Variants in PARD3 observed in about 807,000 individuals in gnomAD.
PARD3 encodes the protein partitioning defective 3 homolog.
PARD3 carries 75 observed loss-of-function variants against 155.4 expected under a neutral mutation model. That is an observed-to-expected ratio of 0.48 (90% CI 0.40 to 0.58). The LOEUF (loss-of-function observed/expected upper bound fraction) is 0.58. PARD3 is among the 20% of genes least tolerant of loss of function. PARD3 has a pLI of 0.00. For synonymous variants in PARD3, 576 were observed against 610.5 expected (o/e 0.94, Z 0.83); for missense variants, 1,642 against 1,721.7 (o/e 0.95, Z 0.82).
chr10:34,456,438 A>G (rs1397009827), intron 4 of PARD3, among the ~76,000 whole-genome samples: 1 of 152,102 alleles, frequency 6.6e-6, no homozygotes, highest in Non-Finnish European at 1.5e-5. Flanking sequence ...CTGGGATTAC[A>G]GGCACCCACC....
intron 2 of PARD3, among the ~76,000 whole-genome samples, chr10:34,629,105 C>A (rs1041573730): frequency 6.6e-6 from 1 of 152,106 alleles, no homozygotes; most frequent in Admixed American, 6.5e-5. Flanking sequence ...GAATAATGTA[C>A]CCAATTGGTG....
Position 34,761,069 on chromosome 10 carries a change from A to G in PARD3, c.120+53807T>C, listed in dbSNP as rs1013159843. Among the ~76,000 whole-genome samples, 5 of 151,870 alleles carry G rather than the reference A, an allele frequency of 3.3e-5. No individual in the cohort carries two copies. The South Asian group carries it at 1.0e-3, about 32-fold the overall frequency. On this transcript the variant is annotated intron_variant, in intron 1 of 24. Transcript: ENST00000374788. ...TGGACATAAAATTCAACCAAAAACA[A>G]AAAAAAAGTGGGGTGAAACACAAAT...
At chr10:34,185,032 A>G (rs949686259) in intron 22 of PARD3, among the ~76,000 whole-genome samples, 1 of 152,134 alleles carries the variant, frequency 6.6e-6, no homozygotes, top group South Asian at 2.1e-4. Flanking sequence ...GACTTTCTCT[A>G]TTCTGTTTAA....
At chr10:34,217,959 G>A (rs1952085419) in intron 22 of PARD3, among the ~76,000 whole-genome samples, 1 of 152,110 alleles carries the variant, frequency 6.6e-6, no homozygotes, top group Admixed American at 6.6e-5. Flanking sequence ...TGGACACATT[G>A]GGGGGCAGGA....
chr10:34,199,976 A>G (rs549904848), intron 22 of PARD3, among the ~76,000 whole-genome samples: 15 of 152,348 alleles, frequency 9.8e-5, no homozygotes, highest in African/African-American at 3.6e-4. Flanking sequence ...TTGGTAAAGT[A>G]GAGGAAATCA....
At chr10:34,152,560 T>C (rs186401513) in intron 22 of PARD3, among the ~76,000 whole-genome samples, 1 of 152,330 alleles carries the variant, frequency 6.6e-6, no homozygotes, top group Non-Finnish European at 1.5e-5. Context: ...TGACATGTGG[T>C]TATATGGCAC....
At chr10:34,658,224 A>T (rs187345468) in intron 2 of PARD3, among the ~76,000 whole-genome samples, 2 of 152,290 alleles carry the variant, frequency 1.3e-5, no homozygotes, top group East Asian at 3.9e-4. Flanking sequence ...ACCTTTTGGT[A>T]AAGATGTAAA....
chr10:34,146,820 G>A (rs1305240777), intron 22 of PARD3, among the ~76,000 whole-genome samples: 2 of 152,178 alleles, frequency 1.3e-5, no homozygotes, highest in African/African-American at 2.4e-5. Flanking sequence ...TCACCACTAT[G>A]GAAGCGCATG....
rs372887288 is a variant in PARD3 at position 34,504,155 on chromosome 10, G to A, written c.403+12824C>T. Reference sequence around the variant, plus strand: ...CCAGATTTTTTTTTTTAAGAGATGGGGTCTCACTCTGCCACCTAGGCTACA... The same window carrying A: ...CCAGATTTTTTTTTTTAAGAGATGGAGTCTCACTCTGCCACCTAGGCTACA... On this transcript the variant is annotated intron_variant, in intron 3 of 24. Coordinates refer to ENST00000374788, the MANE Select transcript of PARD3 (RefSeq NM_001184785.2). 2.5e-3 allele frequency among the ~76,000 whole-genome samples: 382 copies of A among 151,720 alleles called. 2 individuals carry two copies. The highest frequency in any genetic ancestry group is 8.5e-3 in the African/African-American group (351 of 41,354).
intron 1 of PARD3, among the ~76,000 whole-genome samples, chr10:34,733,857 A>G (rs548418627): frequency 6.6e-6 from 1 of 152,274 alleles, no homozygotes; most frequent in African/African-American, 2.4e-5. Flanking sequence ...ATTAATATAA[A>G]CCATCTTTCT....
At chr10:34,298,102 G>A (rs1282176409) in intron 20 of PARD3, among the ~76,000 whole-genome samples, 1 of 152,178 alleles carries the variant, frequency 6.6e-6, no homozygotes, top group Non-Finnish European at 1.5e-5. Flanking sequence ...CAGATTTATT[G>A]TGAAGATGAA....
intron 1 of PARD3, among the ~76,000 whole-genome samples, chr10:34,751,234 C>T (rs947693937): frequency 4.6e-5 from 7 of 152,014 alleles, no homozygotes; most frequent in Non-Finnish European, 8.8e-5. Context: ...AAAATAGCCT[C>T]GTATTTGGTA....
chr10:34,411,748 A>G (rs1044316613), intron 5 of PARD3, among the ~76,000 whole-genome samples: 4 of 143,538 alleles, frequency 2.8e-5, no homozygotes, highest in Non-Finnish European at 5.9e-5. Context: ...AGATAGATAG[A>G]TAGATAGATA....
intron 18 of PARD3, among the ~76,000 whole-genome samples, chr10:34,333,437 C>T (rs1234335620): frequency 6.6e-6 from 1 of 152,004 alleles, no homozygotes; most frequent in Non-Finnish European, 1.5e-5. Flanking sequence ...TCAGAGCATA[C>T]CTACCTATTT....
intron 22 of PARD3, among the ~76,000 whole-genome samples, chr10:34,223,578 G>A (rs1402099772): frequency 3.9e-5 from 6 of 152,312 alleles, no homozygotes; most frequent in Non-Finnish European, 8.8e-5. Context: ...TCCATAATGT[G>A]TGGTTTACTT....
chr10:34,463,691 A>C (rs118063698), intron 4 of PARD3, among the ~76,000 whole-genome samples: 2 of 152,190 alleles, frequency 1.3e-5, no homozygotes, highest in East Asian at 1.9e-4. Flanking sequence ...AACAAAAGAT[A>C]TCTCAAAAAA....
At chr10:34,752,637 C>A (rs1306658061) in intron 1 of PARD3, among the ~76,000 whole-genome samples, 2 of 152,082 alleles carry the variant, frequency 1.3e-5, no homozygotes, top group Non-Finnish European at 2.9e-5. Flanking sequence ...ATCATTACAT[C>A]AAATACTTGC....
rs1839220402 is a variant in PARD3 at position 34,773,968 on chromosome 10, C to T, written c.120+40908G>A. 1.3e-5 allele frequency among the ~76,000 whole-genome samples: 2 copies of T among 152,176 alleles called. 1 individual carries two copies. Among genetic ancestry groups the T allele is most frequent in the African/African-American group, 4.8e-5 (2 of 41,452 alleles). Reference sequence around the variant, plus strand: ...TATCACTACCCCCAAGGACTCCCACCTCTGGGAAATAAAATGTGCTTTACT... The same window carrying T: ...TATCACTACCCCCAAGGACTCCCACTTCTGGGAAATAAAATGTGCTTTACT... On this transcript the variant is annotated intron_variant, in intron 1 of 24. Coordinates refer to ENST00000374788, the MANE Select transcript of PARD3 (RefSeq NM_001184785.2).
intron 3 of PARD3, among the ~76,000 whole-genome samples, chr10:34,510,539 A>C (rs1251300373): frequency 6.6e-6 from 1 of 152,244 alleles, no homozygotes; most frequent in African/African-American, 2.4e-5. Context: ...TGTTTGTTGC[A>C]AAGAAATAAG....
Sources: gnomAD v4.1 joint callset for allele counts (sites outside exome capture counted in the v4.1 genomes callset) on GRCh38, gnomAD v4.1.1 for gene constraint, MANE v1.5 for transcripts, NCBI Gene and HGNC (gene_info 2026-07-23, HGNC 2026-07-21) for gene names.